The following TOMM7 variants were observed in gnomAD, a reference collection of about 807,000 sequenced individuals.
TOMM7 encodes the protein translocase of outer mitochondrial membrane 7.
A neutral mutation model predicts 9.5 loss-of-function variants in TOMM7; 8 were observed. The observed-to-expected ratio is 0.84, with a 90% CI of 0.49 to 1.51. The LOEUF (loss-of-function observed/expected upper bound fraction) is 1.51. Ranked by LOEUF, TOMM7 falls within the 40% of genes most tolerant of loss-of-function variation. The pLI, the probability that TOMM7 is intolerant of heterozygous loss-of-function variation, is 0.00. For missense variants in TOMM7, 74 were observed against 63.7 expected (o/e 1.16, Z -0.55); for synonymous variants, 27 against 21.4 (o/e 1.26, Z -0.72).
intron 2 of TOMM7, among the ~76,000 whole-genome samples, chr7:22,815,459 G>A (rs1782305990): frequency 6.6e-6 from 1 of 151,794 alleles, no homozygotes; most frequent in African/African-American, 2.4e-5. Flanking sequence ...ACATTGGGAG[G>A]CCCAGGTGGG....
intron 1 of TOMM7, among the ~76,000 whole-genome samples, chr7:22,821,208 G>A (rs923034239): frequency 6.6e-6 from 1 of 151,890 alleles, no homozygotes; most frequent in African/African-American, 2.4e-5. Context: ...TCAGGAGATC[G>A]AGACCATCCT....
Position 22,813,019 on chromosome 7 carries a change from A to C in TOMM7, c.*151T>G. 1.3e-6 allele frequency: 1 copy of C among 744,022 alleles called. No individual in the cohort carries two copies. Among genetic ancestry groups the C allele is most frequent in the Non-Finnish European group, 2.4e-6 (1 of 418,290 alleles). The allele number at this position is 744,022 out of a possible 1,614,324, so 46.1% of individuals were successfully genotyped here. A position where few individuals can be genotyped will look rare whatever the true frequency, so the allele number is the denominator to read the frequency against. ...CTGATACATTCTATCATAAGTTAGT[A>C]CAAGTTCCACTCTGCTACAGATGCG... is the stretch of plus-strand genomic sequence containing the variant. On this transcript the variant is annotated 3_prime_UTR_variant, in exon 3 of 3. Coordinates refer to ENST00000358435, the MANE Select transcript of TOMM7 (RefSeq NM_019059.5).
rs781407169 is a variant in TOMM7, at chr7:22,817,993, G to A, written c.152+7C>T. On this transcript the variant is annotated splice_region_variant and intron_variant, in intron 2 of 2. Coordinates refer to ENST00000358435, the MANE Select transcript of TOMM7 (RefSeq NM_019059.5). ...TGTCCTGAAATGTTTAGTTTTAAGA[G>A]CAGTACCTCAAAACAGTTGGTTCAG... is the stretch of plus-strand genomic sequence containing the variant. 26 of 1,612,906 alleles carry A rather than the reference G, an allele frequency of 1.6e-5. No individual in the cohort carries two copies. The highest frequency in any genetic ancestry group is 2.1e-5 in the Non-Finnish European group (25 of 1,179,138).
chr7:22,818,063 A>G lies in TOMM7; in HGVS notation c.104-15T>C, dbSNP rs28617621. 427,180 of 1,609,360 alleles carry G rather than the reference A, an allele frequency of 0.27. 59,835 individuals are homozygous for G. Among genetic ancestry groups the G allele is most frequent in the Non-Finnish European group, 0.29 (345,243 of 1,176,044 alleles). The stretch of plus-strand genomic sequence containing the variant: ...CCTCTTAAATCCTGAATCAAGGAAG[A>G]CAGAAGAGAAAAAATATTAATTAAA... On this transcript the variant is annotated splice_polypyrimidine_tract_variant and intron_variant, in intron 1 of 2. Coordinates refer to ENST00000358435, the MANE Select transcript of TOMM7 (RefSeq NM_019059.5).
intron 1 of TOMM7, among the ~76,000 whole-genome samples, chr7:22,820,570 C>A (rs1289090164): frequency 6.6e-6 from 1 of 152,114 alleles, no homozygotes; most frequent in Non-Finnish European, 1.5e-5. Context: ...GGACCTCGTA[C>A]ACGCAGTGAA....
At chr7:22,813,714 G>A (rs891834757) in intron 2 of TOMM7, among the ~76,000 whole-genome samples, 2 of 151,198 alleles carry the variant, frequency 1.3e-5, no homozygotes, top group African/African-American at 4.9e-5. Context: ...TTCCTGGGGA[G>A]CAATTAGCCT....
At chr7:22,814,170 T>TA (rs5882860) in intron 2 of TOMM7, among the ~76,000 whole-genome samples, 47,279 of 138,942 alleles carry the variant, frequency 0.34, 8,868 homozygotes, top group East Asian at 0.78. Context: ...CCCTGTCTCT[T>TA]AAAAAAAAAA....
At chr7:22,821,416 A>G (rs1333403547) in intron 1 of TOMM7, among the ~76,000 whole-genome samples, 2 of 149,380 alleles carry the variant, frequency 1.3e-5, no homozygotes, top group Non-Finnish European at 3.0e-5. Flanking sequence ...AAAAAAAAAA[A>G]AAAAAAAGAA....
At chr7:22,813,319 G>T in intron 2 of TOMM7, 134 bp from the exon 3 acceptor site, 1 of 738,590 alleles carries the variant, frequency 1.4e-6, no homozygotes, top group Non-Finnish European at 2.2e-6. Flanking sequence ...GAAAGACAAG[G>T]ATCAATCCCA....
chr7:22,817,893 G>A (rs1030628424), intron 2 of TOMM7, 107 bp downstream of exon 2: 88 of 1,083,132 alleles, frequency 8.1e-5, no homozygotes, highest in Non-Finnish European at 1.2e-4. Context: ...TATACTGACT[G>A]ATAAAGCTCC....
At chr7:22,817,486 TC>T in intron 2 of TOMM7, 1 of 238,264 alleles carries the variant, frequency 4.2e-6, no homozygotes, top group Non-Finnish European at 9.0e-6. Context: ...CAAGCAATCC[TC>T]CCATGATCTT....
intron 2 of TOMM7, among the ~76,000 whole-genome samples, chr7:22,813,719 T>G (rs542952838): frequency 6.6e-6 from 1 of 151,262 alleles, no homozygotes; most frequent in East Asian, 2.0e-4. Flanking sequence ...GGGGAGCAAT[T>G]AGCCTCCACT....
chr7:22,822,391 G>A (rs1404293064), intron 1 of TOMM7: 5 of 1,096,534 alleles, frequency 4.6e-6, no homozygotes, highest in Non-Finnish European at 6.4e-6. Context: ...CATCCACTGG[G>A]GTCATCCAAC....
chr7:22,822,578 C>G, intron 1 of TOMM7, 99 bp downstream of exon 1: 1 of 1,042,906 alleles, frequency 9.6e-7, no homozygotes, highest in South Asian at 1.4e-5. Flanking sequence ...ACGGCAGTGT[C>G]CCCTATTTTT....
chr7:22,822,238 T>C (rs1421137554), intron 1 of TOMM7: 1 of 1,550,782 alleles, frequency 6.4e-7, no homozygotes, highest in Non-Finnish European at 8.7e-7. Flanking sequence ...ACTATTATTA[T>C]AATCATGCTT....
chr7:22,814,177 A>G (rs1782287028), intron 2 of TOMM7, among the ~76,000 whole-genome samples: 1 of 149,844 alleles, frequency 6.7e-6, no homozygotes, highest in South Asian at 2.1e-4. Context: ...TCTTAAAAAA[A>G]AAAAAAATAC....
In TOMM7 at chr7:22,814,913, C is replaced by T. The variant is rs185291812; in HGVS notation, c.153-1728G>A. ...TTATATTAATAAACAATAAATTTTA[C>T]GTTAATAAAAACCATAGCAGGTATA... On this transcript the variant is annotated intron_variant, in intron 2 of 2. Transcript: ENST00000358435. 5.8e-4 allele frequency among the ~76,000 whole-genome samples: 89 copies of T among 152,228 alleles called. No individual in the cohort carries two copies. In the East Asian group the frequency reaches 0.016, roughly 28 times the overall value.
intron 1 of TOMM7, among the ~76,000 whole-genome samples, chr7:22,821,416 A>C (rs1333403547): frequency 2.7e-5 from 4 of 149,488 alleles, no homozygotes; most frequent in Admixed American, 2.0e-4. Context: ...AAAAAAAAAA[A>C]AAAAAAAGAA....
chr7:22,819,877 T>G (rs1465777213), intron 1 of TOMM7, among the ~76,000 whole-genome samples: 1 of 152,218 alleles, frequency 6.6e-6, no homozygotes, highest in East Asian at 1.9e-4. Flanking sequence ...AAAACCTTTT[T>G]GTTAGTAAAT....
Sources: gnomAD v4.1 joint callset for allele counts (sites outside exome capture counted in the v4.1 genomes callset) on GRCh38, gnomAD v4.1.1 for gene constraint, MANE v1.5 for transcripts, NCBI Gene and HGNC (gene_info 2026-07-23, HGNC 2026-07-21) for gene names.